Variants in LRWD1 observed in about 807,000 individuals in gnomAD.
The protein encoded by LRWD1 is leucine rich repeats and WD repeat domain containing 1.
A neutral mutation model predicts 75.6 loss-of-function variants in LRWD1; 76 were observed. The observed-to-expected ratio is 1.01, with a 90% CI of 0.84 to 1.22. The LOEUF is 1.22. Ranked by LOEUF, LRWD1 falls within the 50% of genes most tolerant of loss-of-function variation. LRWD1 has a pLI of 0.00. For missense variants in LRWD1, 917 were observed against 862.0 expected (o/e 1.06, Z -0.80); for synonymous variants, 487 against 377.0 (o/e 1.29, Z -3.38).
intron 3 of LRWD1, among the ~76,000 whole-genome samples, chr7:102,467,075 G>T (rs1798008119): frequency 3.0e-5 from 1 of 33,162 alleles, no homozygotes; most frequent in Admixed American, 3.2e-4. Flanking sequence ...TTGCTGGTGT[G>T]TGTGTGTGTG....
intron 9 of LRWD1, 79 bp from the exon 10 acceptor site, chr7:102,469,495 G>A (rs1798120961): frequency 1.4e-5 from 22 of 1,550,606 alleles, no homozygotes; most frequent in Non-Finnish European, 2.0e-5. Flanking sequence ...GGGACCGTGG[G>A]CTCAGCCTGG....
Position 102,468,539 on chromosome 7 carries a change from A to T in LRWD1, c.920-15A>T, listed in dbSNP as rs1481101367. ...ATGTCTCTGCTCATCCGACCTCTCA[A>T]AACCGGGCACTCAGGGGCCACATCC... On this transcript the variant is annotated splice_polypyrimidine_tract_variant and intron_variant, in intron 7 of 14. Transcript: ENST00000292616. 3.8e-6 allele frequency: 6 copies of T among 1,559,102 alleles called. No homozygotes were observed. The South Asian group carries it at 7.1e-5, about 18-fold the overall frequency.
chr7:102,472,451 C>T lies in LRWD1; in HGVS notation c.1535-3C>T. On this transcript the variant is annotated splice_region_variant and splice_polypyrimidine_tract_variant and intron_variant, in intron 12 of 14. Transcript: ENST00000292616. ...CTGCACAGCTCTCCCTTCTCCCCCA[C>T]AGCCTCCAAGGGGAGCGGCCTGGGC... 6.5e-7 allele frequency: 1 copy of T among 1,536,282 alleles called. No homozygotes were observed. Among genetic ancestry groups the T allele is most frequent in the Non-Finnish European group, 8.8e-7 (1 of 1,138,352 alleles).
chr7:102,471,839 C>T (rs563188172), intron 11 of LRWD1: 1 of 235,486 alleles, frequency 4.2e-6, no homozygotes, highest in Non-Finnish European at 8.5e-6. Context: ...AGCAGATGCC[C>T]CCAACAGCCC....
intron 11 of LRWD1, 183 bp from the exon 12 acceptor site, chr7:102,472,035 T>C: frequency 1.6e-6 from 1 of 610,040 alleles, no homozygotes; most frequent in Admixed American, 2.6e-5. Context: ...ACTCAGGTGC[T>C]GGCTCCCCCT....
chr7:102,469,938 G>A (rs1798136808), intron 11 of LRWD1, 56 bp downstream of exon 11: 1 of 1,444,872 alleles, frequency 6.9e-7, no homozygotes, highest in Non-Finnish European at 9.1e-7. Context: ...GGTGGCTGTT[G>A]GCCCAGATGG....
chr7:102,473,148 A>C lies in LRWD1; in HGVS notation c.*99A>C. The C allele has an allele frequency of 4.5e-6, 6 of 1,339,492 alleles. No homozygotes were observed. The highest frequency in any genetic ancestry group is 6.1e-6 in the Non-Finnish European group (6 of 978,642). 83.0% of individuals were successfully genotyped at this position (1,339,492 alleles called of 1,614,324 possible). Reference sequence around the variant, plus strand: ...GGGTCTTTCAGTGAATATTTTTATTAAACTCTACTGTGGACAAGAAGCCTG... The same window carrying C: ...GGGTCTTTCAGTGAATATTTTTATTCAACTCTACTGTGGACAAGAAGCCTG... On this transcript the variant is annotated 3_prime_UTR_variant, in exon 15 of 15. Coordinates refer to ENST00000292616, the MANE Select transcript of LRWD1 (RefSeq NM_152892.3).
chr7:102,465,016 A>T lies in LRWD1; in HGVS notation c.-65A>T. Reference sequence around the variant, plus strand: ...GCGGACGCCAGTGCCGGGCTCCAGGAGACGCAGGGCGACGCCACACGCCGG... The same window carrying T: ...GCGGACGCCAGTGCCGGGCTCCAGGTGACGCAGGGCGACGCCACACGCCGG... On this transcript the variant is annotated 5_prime_UTR_variant, in exon 1 of 15. Transcript: ENST00000292616. 1 of 1,386,136 alleles carries T rather than the reference A, an allele frequency of 7.2e-7. No homozygotes were observed. Among genetic ancestry groups the T allele is most frequent in the Non-Finnish European group, 9.4e-7 (1 of 1,064,794 alleles). The allele number at this position is 1,386,136 out of a possible 1,614,324, so 85.9% of individuals were successfully genotyped here. A position where few individuals can be genotyped will look rare whatever the true frequency, so the allele number is the denominator to read the frequency against.
Position 102,467,705 on chromosome 7 carries a change from C to T in LRWD1, c.574-14C>T, listed in dbSNP as rs4729791. On this transcript the variant is annotated splice_polypyrimidine_tract_variant and intron_variant, in intron 4 of 14. Transcript: ENST00000292616. The stretch of plus-strand genomic sequence containing the variant: ...GGACTCTGCCCAGCTTCCTGATGGC[C>T]TGGCCCCACCCAGGTGCGGATGATC... 113,481 of 1,550,268 alleles carry T rather than the reference C, an allele frequency of 0.073. 9,198 individuals carry two copies. The highest frequency in any genetic ancestry group is 0.47 in the East Asian group (19,070 of 40,904).
intron 9 of LRWD1, among the ~76,000 whole-genome samples, 153 bp downstream of exon 9, chr7:102,469,215 A>G (rs1010415244): frequency 3.9e-5 from 6 of 152,156 alleles, no homozygotes; most frequent in Non-Finnish European, 8.8e-5. Context: ...GCAGGAAGCC[A>G]TGTCGCTTCA....
intron 3 of LRWD1, among the ~76,000 whole-genome samples, chr7:102,466,614 C>T (rs1797986295): frequency 1.3e-5 from 2 of 151,996 alleles, no homozygotes; most frequent in Admixed American, 1.3e-4. Context: ...GACAGGGTTT[C>T]ACCATGTTGG....
At chr7:102,472,647 T>G (rs748961593) in intron 13 of LRWD1, 38 bp downstream of exon 13, 1 of 1,611,064 alleles carries the variant, frequency 6.2e-7, no homozygotes, top group East Asian at 2.2e-5. Context: ...CCCGCGGGCT[T>G]CCGGGAGCTC....
chr7:102,471,933 G>T (rs1009014510), intron 11 of LRWD1: 1 of 404,434 alleles, frequency 2.5e-6, no homozygotes. Context: ...AGAGGCACTG[G>T]CTCGCTTCAG....
In LRWD1 at chr7:102,471,993, C is replaced by T. The variant is rs577413810; in HGVS notation, c.1443-225C>T. 5.1e-4 allele frequency: 268 copies of T among 530,556 alleles called. 2 individuals are homozygous for T. The highest frequency in any genetic ancestry group is 5.0e-3 in the South Asian group (249 of 49,852). The allele number at this position is 530,556 out of a possible 1,614,324, so 32.9% of individuals were successfully genotyped here. On this transcript the variant is annotated intron_variant, in intron 11 of 14. Coordinates refer to ENST00000292616, the MANE Select transcript of LRWD1 (RefSeq NM_152892.3). ...GCCCCGTCCTGGAAGAGCCACCCCTCGTGCCTCTGGGTCACTACTGTGACT... is the reference window on the plus strand; with the variant it reads ...GCCCCGTCCTGGAAGAGCCACCCCTTGTGCCTCTGGGTCACTACTGTGACT...
In LRWD1 at chr7:102,467,724, G is replaced by C. The variant is rs960389595; in HGVS notation, c.579G>C (p.Arg193=). 3.9e-6 allele frequency: 6 copies of C among 1,551,594 alleles called. No homozygotes were observed. The highest frequency in any genetic ancestry group is 5.2e-6 in the Non-Finnish European group (6 of 1,147,036). The change falls in exon 5 of 15, where the codon CGG becomes CGC. Residue 193 remains arginine, a synonymous_variant. Transcript: ENST00000292616. ...GATGGCCTGGCCCCACCCAGGTGCGGATGATCTCTGAGGAGCTGGTGGCCG... is the reference window on the plus strand; with the variant it reads ...GATGGCCTGGCCCCACCCAGGTGCGCATGATCTCTGAGGAGCTGGTGGCCG... ...SLSEFTQWRV[R]MISEELVAAS...
At position 102,466,206 on chromosome 7, in the gene LRWD1, A is replaced by G. The variant is rs767082952; in HGVS notation, c.368A>G (p.Asn123Ser). The G allele has an allele frequency of 3.7e-6, 6 of 1,614,046 alleles. No individual in the cohort carries two copies. The highest frequency in any genetic ancestry group is 1.3e-5 in the African/African-American group (1 of 74,928). The part of the protein sequence containing the change: ...SFLLPTLRKV[N>S]GKDASSTYSQ... ...CTCCTGCCCACGCTCCGTAAGGTCAATGGCAAGGATGCGTCCTCAACTTAC... is the reference window on the plus strand; with the variant it reads ...CTCCTGCCCACGCTCCGTAAGGTCAGTGGCAAGGATGCGTCCTCAACTTAC... The change falls in exon 3 of 15, where the codon AAT becomes AGT. Residue 123 changes from asparagine (N) to serine (S), a missense_variant. Coordinates refer to ENST00000292616, the MANE Select transcript of LRWD1 (RefSeq NM_152892.3).
intron 1 of LRWD1, 35 bp downstream of exon 1, chr7:102,465,195 G>T: frequency 7.1e-7 from 1 of 1,417,172 alleles, no homozygotes; most frequent in Admixed American, 3.5e-5. Context: ...CTGTGTCCTC[G>T]GGGCCGGGCG....
In LRWD1 at chr7:102,468,924, G is replaced by A. The variant is rs1292882254; in HGVS notation, c.1090G>A (p.Val364Met). The change falls in exon 9 of 15, where the codon GTG (valine) becomes ATG (methionine). Residue 364 changes from valine to methionine, a missense_variant. Transcript: ENST00000292616. ...TQAGHKKRWS[V>M]LAAAGLRGLV... ...GGCTGGCCACAAGAAGCGCTGGAGT[G>A]TGCTGGCGGCTGCAGGCCTACGGGG... The A allele has an allele frequency of 1.2e-6, 2 of 1,612,770 alleles. No homozygotes were observed. Among genetic ancestry groups the A allele is most frequent in the Admixed American group, 1.7e-5 (1 of 59,996 alleles).
rs1346822174 is a variant in LRWD1 at position 102,465,057 on chromosome 7, C to T, written c.-24C>T. The T allele has an allele frequency of 1.4e-6, 2 of 1,473,468 alleles. No individual in the cohort carries two copies. The highest frequency in any genetic ancestry group is 1.8e-6 in the Non-Finnish European group (2 of 1,113,186). The allele number at this position is 1,473,468 out of a possible 1,614,324, so 91.3% of individuals were successfully genotyped here. On this transcript the variant is annotated 5_prime_UTR_variant, in exon 1 of 15. Transcript: ENST00000292616. ...CACACGCCGGGGTGGCCGACTGGGT[C>T]AGCGCGGGCTGCGCCTCCTCGCCAT...
Sources: gnomAD v4.1 joint callset for allele counts (sites outside exome capture counted in the v4.1 genomes callset) on GRCh38, gnomAD v4.1.1 for gene constraint, MANE v1.5 for transcripts, NCBI Gene and HGNC (gene_info 2026-07-23, HGNC 2026-07-21) for gene names.